KYAT3: variants seen among roughly 807,000 people sequenced by gnomAD.
KYAT3 encodes kynurenine aminotransferase 3.
In KYAT3, 50 loss-of-function variants were observed where a neutral mutation model predicts 59.0. The ratio of observed to expected loss-of-function variants is 0.85; its 90% CI spans 0.68 to 1.07. The LOEUF (loss-of-function observed/expected upper bound fraction) is 1.07. KYAT3 is among the 50% of genes least tolerant of loss of function. The pLI is 0.00. For synonymous variants in KYAT3, 148 were observed against 177.0 expected (o/e 0.84, Z 1.30); for missense variants, 497 against 533.3 (o/e 0.93, Z 0.67).
At chr1:88,976,250 C>T (rs564856291) in intron 2 of KYAT3, among the ~76,000 whole-genome samples, 35 of 151,018 alleles carry the variant, frequency 2.3e-4, no homozygotes, top group African/African-American at 7.5e-4. Flanking sequence ...CCAGCTACTC[C>T]GGAGGCTGAG....
intron 4 of KYAT3, 25 bp from the exon 5 acceptor site, chr1:88,965,003 A>T: frequency 6.4e-7 from 1 of 1,574,434 alleles, no homozygotes; most frequent in South Asian, 1.2e-5. Flanking sequence ...ATAAGAACAA[A>T]ACCTTGAATT....
At chr1:88,944,764 T>G (rs1221459974) in intron 11 of KYAT3, among the ~76,000 whole-genome samples, 1 of 151,964 alleles carries the variant, frequency 6.6e-6, no homozygotes, top group East Asian at 1.9e-4. Flanking sequence ...CCTAAGGGAG[T>G]AGAAGAGGAT....
At chr1:88,965,050 T>C (rs1676293317) in intron 4 of KYAT3, 72 bp from the exon 5 acceptor site, 4 of 1,175,212 alleles carry the variant, frequency 3.4e-6, no homozygotes, top group East Asian at 2.6e-5. Flanking sequence ...AATATGGCTC[T>C]AAAATGTAAG....
Position 88,983,273 on chromosome 1 carries a change from C to A in KYAT3, c.99+4979G>T, listed in dbSNP as rs753907563. The A allele has an allele frequency of 2.5e-6, 4 of 1,613,666 alleles. No individual in the cohort carries two copies. The Admixed American group carries it at 6.7e-5, about 27-fold the overall frequency. ...TGGACCTCCATAACTATCTCTTCCACGTGATAGAGGAGCTCTTCCTCCCAT... is the reference window on the plus strand; with the variant it reads ...TGGACCTCCATAACTATCTCTTCCAAGTGATAGAGGAGCTCTTCCTCCCAT... On this transcript the variant is annotated intron_variant, in intron 2 of 13. Transcript: ENST00000260508.
At position 88,985,962 on chromosome 1, in the gene KYAT3, C is replaced by G. The variant is rs150678197; in HGVS notation, c.99+2290G>C. On this transcript the variant is annotated intron_variant, in intron 2 of 13. Transcript: ENST00000260508. ...TTGGGAGGCTGAGGAGGGTGGATCA[C>G]TTGAGCCCAGTAGTTTGAGACCAGC... Among the ~76,000 whole-genome samples the G allele has an allele frequency of 8.5e-5, 13 of 152,202 alleles. No homozygotes were observed. In the East Asian group the frequency reaches 2.5e-3, roughly 29 times the overall value.
the KYAT3 span, among the ~76,000 whole-genome samples, chr1:88,924,384 C>T: frequency 6.6e-6 from 1 of 152,252 alleles, no homozygotes; most frequent in Admixed American, 6.5e-5. Context: ...TGCTGGGCTT[C>T]ATCCCTTTCC....
chr1:88,962,188 T>C (rs1432973413), intron 5 of KYAT3, 43 bp from the exon 6 acceptor site: 5 of 1,347,674 alleles, frequency 3.7e-6, no homozygotes, highest in South Asian at 1.2e-5. Flanking sequence ...CAATCATTTA[T>C]TCATGTTAAT....
chr1:88,987,256 T>C (rs1245096324), intron 2 of KYAT3, among the ~76,000 whole-genome samples: 1 of 152,184 alleles, frequency 6.6e-6, no homozygotes, highest in East Asian at 1.9e-4. Context: ...CATGGTTTCA[T>C]ATGTTCACCT....
chr1:88,960,582 G>T (rs961560580), intron 8 of KYAT3, among the ~76,000 whole-genome samples: 1 of 152,168 alleles, frequency 6.6e-6, no homozygotes, highest in Non-Finnish European at 1.5e-5. Context: ...GATATTTGAA[G>T]TCAGGTGGAT....
chr1:88,961,482 A>G lies in KYAT3; in HGVS notation c.565T>C (p.Ser189Pro), dbSNP rs1570800891. The change falls in exon 7 of 14, where the codon TCT becomes CCT. Residue 189 changes from serine (S) to proline (P), a missense_variant. Ser to Pro is a moderately conservative substitution (Grantham distance 74, BLOSUM62 -1). Around this residue, in one of 2 missense-constraint regions of KYAT3, gnomAD observed 469 missense variants for 479.1 expected, o/e 0.98. Coordinates refer to ENST00000260508, the MANE Select transcript of KYAT3 (RefSeq NM_001008661.3). ...GGATCTAATGTCCAGTCAGAACTAG[A>G]CCATCTTTTTCCATAAACAGGTTTC... ...RSKPVYGKRW[S>P]SSDWTLDPQE... 6.2e-7 allele frequency: 1 copy of G among 1,612,490 alleles called. No individual in the cohort carries two copies. The highest frequency in any genetic ancestry group is 1.1e-5 in the South Asian group (1 of 90,766).
intron 2 of KYAT3, chr1:88,983,600 C>G: frequency 6.2e-7 from 1 of 1,614,156 alleles, no homozygotes; most frequent in East Asian, 2.2e-5. Flanking sequence ...GATGGCTTTT[C>G]CATCTAATGA....
intron 10 of KYAT3, among the ~76,000 whole-genome samples, chr1:88,952,635 AC>A (rs1286281320): frequency 6.6e-6 from 1 of 152,188 alleles, no homozygotes; most frequent in Non-Finnish European, 1.5e-5. Flanking sequence ...TGCTTTCTGT[AC>A]AGCCTGTAGA....
At chr1:88,922,684 C>T in the KYAT3 span, among the ~76,000 whole-genome samples, 6 of 152,290 alleles carry the variant, frequency 3.9e-5, no homozygotes, top group South Asian at 2.1e-4. Context: ...TCCATAAAAC[C>T]GGTCCCTGGT....
rs1677218356 is a variant in KYAT3, at chr1:88,983,356, A to T, written c.99+4896T>A. On this transcript the variant is annotated intron_variant, in intron 2 of 13. Transcript: ENST00000260508. Reference sequence around the variant, plus strand: ...CAGATCTCTTAGGAGAAGGACCCCCACTTCTTGGTGGTGGTCCTCTTTTTA... The same window carrying T: ...CAGATCTCTTAGGAGAAGGACCCCCTCTTCTTGGTGGTGGTCCTCTTTTTA... 3 of 1,613,400 alleles carry T rather than the reference A, an allele frequency of 1.9e-6. No individual in the cohort carries two copies. The African/African-American group carries it at 4.0e-5, about 22-fold the overall frequency.
At chr1:88,928,845 T>C in the KYAT3 span, among the ~76,000 whole-genome samples, 4 of 152,298 alleles carry the variant, frequency 2.6e-5, no homozygotes, top group Admixed American at 6.5e-5. Flanking sequence ...AGCCAGTTAC[T>C]AGATACTTCT....
Position 88,936,051 on chromosome 1 carries a change from C to A in KYAT3, c.*132G>T. The A allele has an allele frequency of 1.5e-6, 1 of 647,584 alleles. No individual in the cohort carries two copies. The allele number at this position is 647,584 out of a possible 1,614,324, so 40.1% of individuals were successfully genotyped here. A position where few individuals can be genotyped will look rare whatever the true frequency, so the allele number is the denominator to read the frequency against. On this transcript the variant is annotated 3_prime_UTR_variant, in exon 14 of 14. Transcript: ENST00000260508. ...ATGTTGTTAGGAGTTGGGTTAACTG[C>A]TTTGGAAAAACAATGGAAATATTTA...
chr1:88,984,633 C>A (rs780180734), intron 2 of KYAT3, among the ~76,000 whole-genome samples: 20 of 152,194 alleles, frequency 1.3e-4, no homozygotes, highest in Non-Finnish European at 2.2e-4. Flanking sequence ...GAAAGGGAAG[C>A]AATTTGGACT....
intron 2 of KYAT3, among the ~76,000 whole-genome samples, chr1:88,977,234 T>A (rs921909859): frequency 2.2e-4 from 33 of 151,978 alleles, no homozygotes; most frequent in African/African-American, 7.5e-4. Flanking sequence ...GACGTTTCGC[T>A]CTTGTTGCCC....
rs1228326661 is a variant in KYAT3, at chr1:88,943,733, T to C, written c.1142-310A>G. Among the ~76,000 whole-genome samples the C allele has an allele frequency of 3.3e-5, 5 of 152,302 alleles. No individual in the cohort carries two copies. The South Asian group carries it at 6.2e-4, about 19-fold the overall frequency. On this transcript the variant is annotated intron_variant, in intron 11 of 13. Coordinates refer to ENST00000260508, the MANE Select transcript of KYAT3 (RefSeq NM_001008661.3). ...AGGGCAGAGGAGGGATGCCTTTCCA[T>C]TGAGAAATAAGACTCTATGATCATT...
Sources: allele counts gnomAD v4.1 joint callset (sites outside exome capture counted in the v4.1 genomes callset), GRCh38; gene constraint gnomAD v4.1.1; regional missense constraint gnomAD v4.1.1; transcripts MANE v1.5; gene names NCBI Gene and HGNC (gene_info 2026-07-23, HGNC 2026-07-21).